The following GUCY2C variants were observed in gnomAD, a reference collection of about 807,000 sequenced individuals.
The protein encoded by GUCY2C is guanylate cyclase 2C.
A neutral mutation model predicts 131.1 loss-of-function variants in GUCY2C; 118 were observed. The observed-to-expected ratio is 0.90, with a 90% CI of 0.78 to 1.05. GUCY2C has a LOEUF of 1.05. Ranked by LOEUF, GUCY2C falls within the 50% of genes least tolerant of loss-of-function variation. GUCY2C has a pLI of 0.00. For synonymous variants in GUCY2C, 452 were observed against 457.8 expected (o/e 0.99, Z 0.16); for missense variants, 1,161 against 1,304.4 (o/e 0.89, Z 1.69).
At chr12:14,665,957 T>A (rs185592371) in intron 10 of GUCY2C, 346 of 151,908 alleles carry the variant, frequency 2.3e-3, no homozygotes, top group African/African-American at 8.1e-3. Flanking sequence ...ACGGAGCGGG[T>A]CAAGTAGCGG....
intron 15 of GUCY2C, among the ~76,000 whole-genome samples, chr12:14,645,920 G>A (rs1320626587): frequency 6.6e-6 from 1 of 150,824 alleles, no homozygotes; most frequent in Non-Finnish European, 1.5e-5. Context: ...ATTGCAACCT[G>A]TGCCTCCGGG....
At position 14,674,776 on chromosome 12, in the gene GUCY2C, A is replaced by C. The variant is rs368992797; in HGVS notation, c.949-16T>G. On this transcript the variant is annotated splice_polypyrimidine_tract_variant and intron_variant, in intron 7 of 26. Transcript: ENST00000261170. ...CTCGTTTTGTCTAAATAAAAAAGGA[A>C]AATATTAAAACGGGTCCTTCAAAAA... The C allele has an allele frequency of 1.8e-5, 29 of 1,586,454 alleles. No individual in the cohort carries two copies. In the African/African-American group the frequency reaches 3.7e-4, roughly 20 times the overall value.
intron 24 of GUCY2C, among the ~76,000 whole-genome samples, chr12:14,617,514 T>C (rs1183374698): frequency 6.6e-6 from 1 of 152,176 alleles, no homozygotes; most frequent in Non-Finnish European, 1.5e-5. Flanking sequence ...AATAAATAGC[T>C]AAAGCCTTGT....
At chr12:14,693,682 A>G (rs1237431050) in intron 1 of GUCY2C, among the ~76,000 whole-genome samples, 1 of 152,208 alleles carries the variant, frequency 6.6e-6, no homozygotes, top group African/African-American at 2.4e-5. Flanking sequence ...GCACTAACAA[A>G]TGTAAAAGTC....
chr12:14,694,808 A>G (rs1314904863), intron 1 of GUCY2C, among the ~76,000 whole-genome samples: 1 of 152,208 alleles, frequency 6.6e-6, no homozygotes, highest in Non-Finnish European at 1.5e-5. Flanking sequence ...TTAAAACCAC[A>G]AATAACCATT....
chr12:14,637,831 C>G lies in GUCY2C; in HGVS notation c.2157+2031G>C, dbSNP rs533787239. 2.0e-4 allele frequency among the ~76,000 whole-genome samples: 30 copies of G among 152,242 alleles called. No homozygotes were observed. In the South Asian group the frequency reaches 6.0e-3, roughly 30 times the overall value. ...ATTGGTTTAGGCAAAGATTTTATGG[C>G]TAAGACCTCAAAAGCACAGGCAACC... is the stretch of plus-strand genomic sequence containing the variant. On this transcript the variant is annotated intron_variant, in intron 19 of 26. Transcript: ENST00000261170.
chr12:14,648,354 A>G (rs75650337), intron 15 of GUCY2C, among the ~76,000 whole-genome samples: 3,871 of 152,246 alleles, frequency 0.025, 102 homozygotes, highest in African/African-American at 0.066. Flanking sequence ...ATCCTGACAC[A>G]TACAGCCAGA....
At chr12:14,656,245 A>G (rs974164338) in intron 12 of GUCY2C, among the ~76,000 whole-genome samples, 1 of 152,212 alleles carries the variant, frequency 6.6e-6, no homozygotes, top group Non-Finnish European at 1.5e-5. Context: ...CAAATTCCCA[A>G]TATGTGTATT....
intron 1 of GUCY2C, among the ~76,000 whole-genome samples, chr12:14,690,122 T>C (rs1450300471): frequency 6.6e-6 from 1 of 152,240 alleles, no homozygotes; most frequent in African/African-American, 2.4e-5. Context: ...TGTTCATTAG[T>C]GTCCTAAATT....
At position 14,613,295 on chromosome 12, in the gene GUCY2C, G is replaced by A. The variant is rs1186240392; in HGVS notation, c.3048-4C>T. On this transcript the variant is annotated splice_polypyrimidine_tract_variant and splice_region_variant and intron_variant, in intron 26 of 26. Coordinates refer to ENST00000261170, the MANE Select transcript of GUCY2C (RefSeq NM_004963.4). The surrounding 1 kb of genome is among the most constrained non-coding windows in gnomAD (Gnocchi z 4.9). ...TTGCAAACGCTGTTGATTCTCCCTG[G>A]AAACAGAGTGGGAAGAGAAAATAGA... 3.7e-6 allele frequency: 6 copies of A among 1,607,892 alleles called. No individual in the cohort carries two copies. The highest frequency in any genetic ancestry group is 4.3e-6 in the Non-Finnish European group (5 of 1,174,728).
chr12:14,618,579 C>T (rs1345621902), intron 24 of GUCY2C, among the ~76,000 whole-genome samples: 3 of 152,050 alleles, frequency 2.0e-5, no homozygotes, highest in Admixed American at 1.3e-4. Flanking sequence ...GGTGGAAGGA[C>T]TCCTTGAGGT....
At chr12:14,651,291 G>A (rs1354014944) in intron 15 of GUCY2C, 116 bp downstream of exon 15, 17 of 598,596 alleles carry the variant, frequency 2.8e-5, no homozygotes, top group Non-Finnish European at 4.1e-5. Flanking sequence ...GAAAGCATGT[G>A]ACCCCACCAA....
intron 26 of GUCY2C, among the ~76,000 whole-genome samples, chr12:14,614,357 C>T (rs1453766580): frequency 6.6e-6 from 1 of 152,072 alleles, no homozygotes; most frequent in African/African-American, 2.4e-5. Flanking sequence ...ATATTTTCTG[C>T]ATAAACTATA....
chr12:14,663,255 C>T (rs1167883124), intron 10 of GUCY2C, among the ~76,000 whole-genome samples: 4 of 152,208 alleles, frequency 2.6e-5, no homozygotes, highest in Non-Finnish European at 5.9e-5. Flanking sequence ...ACATCTGCTA[C>T]TGGATTTTAA....
At chr12:14,662,403 C>T (rs1218882191) in intron 10 of GUCY2C, among the ~76,000 whole-genome samples, 3 of 152,046 alleles carry the variant, frequency 2.0e-5, no homozygotes, top group East Asian at 1.9e-4. Context: ...TGGCCGGGTG[C>T]GGTGGCTCAT....
At chr12:14,674,598 G>A (rs1304168039) in intron 8 of GUCY2C, 27 bp downstream of exon 8, 1 of 1,608,934 alleles carries the variant, frequency 6.2e-7, no homozygotes, top group Non-Finnish European at 8.5e-7. Context: ...TTCACCTTGG[G>A]GTTATTTGCT....
intron 11 of GUCY2C, among the ~76,000 whole-genome samples, chr12:14,659,919 T>C (rs1227969588): frequency 1.3e-5 from 2 of 152,248 alleles, no homozygotes; most frequent in East Asian, 3.8e-4. Context: ...TTTGATCTTG[T>C]GATTTACCCT....
At chr12:14,658,580 G>T (rs192090909) in intron 11 of GUCY2C, among the ~76,000 whole-genome samples, 1 of 152,190 alleles carries the variant, frequency 6.6e-6, no homozygotes, top group Non-Finnish European at 1.5e-5. Context: ...TGAGGCCAAG[G>T]CACGAGAATT....
At position 14,681,345 on chromosome 12, in the gene GUCY2C, T is replaced by C; in HGVS notation, c.733+11A>G. On this transcript the variant is annotated intron_variant, in intron 5 of 26. Coordinates refer to ENST00000261170, the MANE Select transcript of GUCY2C (RefSeq NM_004963.4). ...AGTTAGCAAAAAACAATTATCTTCA[T>C]GTCTTCTTACCATTGCTTTTCCTGT... The C allele has an allele frequency of 6.2e-7, 1 of 1,611,322 alleles. No homozygotes were observed. The highest frequency in any genetic ancestry group is 8.5e-7 in the Non-Finnish European group (1 of 1,178,112).
Sources: allele counts gnomAD v4.1 joint callset (sites outside exome capture counted in the v4.1 genomes callset), GRCh38; gene constraint gnomAD v4.1.1; non-coding constraint Gnocchi (gnomAD v3.1); transcripts MANE v1.5; gene names NCBI Gene and HGNC (gene_info 2026-07-23, HGNC 2026-07-21).